MRC2: variants seen among roughly 807,000 people sequenced by gnomAD.
The protein encoded by MRC2 is mannose receptor C-type 2.
MRC2 carries 84 observed loss-of-function variants against 206.2 expected under a neutral mutation model. That is an observed-to-expected ratio of 0.41 (90% confidence interval 0.34 to 0.49). MRC2 has a LOEUF of 0.49. Ranked by LOEUF, MRC2 falls within the 20% of genes least tolerant of loss-of-function variation. The pLI, the probability that MRC2 is intolerant of heterozygous loss-of-function variation, is 0.31. For missense variants in MRC2, 1,676 were observed against 2,001.5 expected (o/e 0.84, Z 3.10); for synonymous variants, 798 against 800.0 (o/e 1.00, Z 0.04).
In MRC2 at chr17:62,671,786, A is replaced by C; in HGVS notation, c.1255A>C (p.Ser419Arg). 1 of 1,611,056 alleles carries C rather than the reference A, an allele frequency of 6.2e-7. No homozygotes were observed. Among genetic ancestry groups the C allele is most frequent in the Non-Finnish European group, 8.5e-7 (1 of 1,178,098 alleles). ...TCTACGGGGCGGTGGCGACCTGGTC[A>C]GCATCCACAGCATGGCGGAGCTGGA... is the stretch of plus-strand genomic sequence containing the variant. ...ACLRGGGDLVSIHSMAELEFI... is the reference protein window; with the variant it reads ...ACLRGGGDLVRIHSMAELEFI... Residue 419 changes from serine (S) to arginine (R), a missense_variant, in exon 7 of 30, where the codon AGC (serine) becomes CGC (arginine). Ser to Arg is a moderately radical substitution (Grantham distance 110). Coordinates refer to ENST00000303375, the MANE Select transcript of MRC2 (RefSeq NM_006039.5). This position sits in a 1 kb window ranked among gnomAD's most constrained non-coding sequence, Gnocchi z 4.5.
intron 1 of MRC2, among the ~76,000 whole-genome samples, chr17:62,642,076 C>G (rs2088412003): frequency 6.6e-6 from 1 of 152,134 alleles, no homozygotes; most frequent in Non-Finnish European, 1.5e-5. Context: ...TTTTTTTTCT[C>G]ATATGCAGTC....
Position 62,680,172 on chromosome 17 carries a change from C to A in MRC2, c.2301C>A (p.Phe767Leu), listed in dbSNP as rs745859697. The A allele has an allele frequency of 1.9e-6, 3 of 1,613,974 alleles. No homozygotes were observed. The highest frequency in any genetic ancestry group is 2.7e-5 in the African/African-American group (2 of 74,920). The change falls in exon 15 of 30, where the codon TTC becomes TTA. Residue 767 changes from phenylalanine to leucine, a missense_variant and splice_region_variant. Transcript: ENST00000303375. This position sits in a 1 kb window ranked among gnomAD's most constrained non-coding sequence, Gnocchi z 4.8. ...TTCCCTCCACCCGCCTCCTCCAGTT[C>A]TCTTACCACAATTTCGACCGGAGCC... is the stretch of plus-strand genomic sequence containing the variant. Reference protein sequence around the residue: ...QSWRWSDGVGFSYHNFDRSRH... With the variant: ...QSWRWSDGVGLSYHNFDRSRH...
chr17:62,663,030 A>C (rs2088699763), intron 1 of MRC2, among the ~76,000 whole-genome samples: 1 of 152,234 alleles, frequency 6.6e-6, no homozygotes, highest in South Asian at 2.1e-4. Context: ...TTCTTTGGAG[A>C]TTGGATGTAC....
Position 62,681,074 on chromosome 17 carries a change from C to A in MRC2, c.2647C>A (p.Gln883Lys). The stretch of plus-strand genomic sequence containing the variant: ...CTGGCTTCTCCAGTTCTCCCGGGCC[C>A]AGGAGCAGCACTGGTGGATCGGCCT... The part of the protein sequence containing the change: ...SHNLQKFSRA[Q>K]EQHWWIGLHT... The change falls in exon 18 of 30, where the codon CAG (glutamine) becomes AAG (lysine). Residue 883 changes from glutamine to lysine, a missense_variant. By Grantham distance (53) the Gln-to-Lys change is moderately conservative. This residue lies in a region of MRC2 where 1,354 missense variants were observed against 1,636.6 expected (regional missense o/e 0.83). Transcript: ENST00000303375. 1 of 1,613,580 alleles carries A rather than the reference C, an allele frequency of 6.2e-7. No homozygotes were observed. The highest frequency in any genetic ancestry group is 1.3e-5 in the African/African-American group (1 of 75,082).
chr17:62,671,845 G>A lies in MRC2; in HGVS notation c.1306+8G>A, dbSNP rs1428403618. 2.5e-6 allele frequency: 4 copies of A among 1,590,238 alleles called. No individual in the cohort carries two copies. Among genetic ancestry groups the A allele is most frequent in the Non-Finnish European group, 3.4e-6 (4 of 1,164,788 alleles). The stretch of plus-strand genomic sequence containing the variant: ...CCAAGCAGATCAAGCAAGGTGAGGA[G>A]CTGCCCGCCCACGTGTCTGGGTGGA... On this transcript the variant is annotated splice_region_variant and intron_variant, in intron 7 of 29. Transcript: ENST00000303375. This position sits in a 1 kb window ranked among gnomAD's most constrained non-coding sequence, Gnocchi z 4.5.
intron 1 of MRC2, among the ~76,000 whole-genome samples, chr17:62,649,974 A>G (rs754196221): frequency 4.6e-4 from 70 of 151,214 alleles, no homozygotes; most frequent in Non-Finnish European, 9.1e-4. Context: ...GGCTCACTGC[A>G]ACCTCCGCCT....
At chr17:62,633,377 C>T (rs762916021) in intron 1 of MRC2, among the ~76,000 whole-genome samples, 10 of 151,804 alleles carry the variant, frequency 6.6e-5, no homozygotes, top group Non-Finnish European at 1.3e-4. Flanking sequence ...TGTGGGGGCG[C>T]CTGTAGTCCC....
At position 62,675,305 on chromosome 17, in the gene MRC2, AGG is replaced by A. The variant is rs1365378503; in HGVS notation, c.1570-483_1570-482del. 2.0e-5 allele frequency among the ~76,000 whole-genome samples: 3 copies of A among 152,136 alleles called. No homozygotes were observed. The highest frequency in any genetic ancestry group is 2.9e-5 in the Non-Finnish European group (2 of 68,014). On this transcript the variant is annotated intron_variant, in intron 9 of 29. Coordinates refer to ENST00000303375, the MANE Select transcript of MRC2 (RefSeq NM_006039.5). This position sits in a 1 kb window ranked among gnomAD's most constrained non-coding sequence, Gnocchi z 4.1. ...TTGGCTCCTGCCAGCCTCGCCTGCCAGGGTCTCGTCTCTGAGCCCCTCCTGCC... is the reference window on the plus strand; with the variant it reads ...TTGGCTCCTGCCAGCCTCGCCTGCCAGTCTCGTCTCTGAGCCCCTCCTGCC...
At position 62,680,316 on chromosome 17, in the gene MRC2, G is replaced by A. The variant is rs2088947249; in HGVS notation, c.2437+8G>A. On this transcript the variant is annotated splice_region_variant and intron_variant, in intron 15 of 29. Transcript: ENST00000303375. This position sits in a 1 kb window ranked among gnomAD's most constrained non-coding sequence, Gnocchi z 4.8. ...TCTGCAAGATCCCCAGAGGTTGGCC[G>A]GAGTGGCGCTGGGGGACGCGGGATG... 1.9e-6 allele frequency: 3 copies of A among 1,613,710 alleles called. No individual in the cohort carries two copies. The highest frequency in any genetic ancestry group is 2.7e-5 in the African/African-American group (2 of 74,904).
In MRC2 at chr17:62,672,786, G is replaced by C. The variant is rs542509696; in HGVS notation, c.1461+634G>C. On this transcript the variant is annotated intron_variant, in intron 8 of 29. Transcript: ENST00000303375. The surrounding 1 kb of genome is among the most constrained non-coding windows in gnomAD (Gnocchi z 4.5). The stretch of plus-strand genomic sequence containing the variant: ...GCAGGCGGATCACTTGAGGTGAGGA[G>C]TTCGAGACCAGCCTGGCCAACATGG... Among the ~76,000 whole-genome samples the C allele has an allele frequency of 5.5e-4, 84 of 152,286 alleles. No homozygotes were observed. Among genetic ancestry groups the C allele is most frequent in the Non-Finnish European group, 9.7e-4 (66 of 68,028 alleles).
intron 1 of MRC2, among the ~76,000 whole-genome samples, chr17:62,655,271 G>C (rs1240080557): frequency 2.0e-5 from 3 of 150,106 alleles, no homozygotes; most frequent in Non-Finnish European, 4.4e-5. Context: ...GGGCAACAGA[G>C]CAGACTCCGT....
intron 1 of MRC2, among the ~76,000 whole-genome samples, chr17:62,647,422 T>C (rs1388382242): frequency 6.6e-6 from 1 of 151,994 alleles, no homozygotes; most frequent in African/African-American, 2.4e-5. Context: ...TGACCTCAGG[T>C]GATCCACCCG....
At chr17:62,653,190 G>T (rs926306054) in intron 1 of MRC2, among the ~76,000 whole-genome samples, 1 of 152,200 alleles carries the variant, frequency 6.6e-6, no homozygotes, top group Non-Finnish European at 1.5e-5. Context: ...CCGGCAAGGG[G>T]GGCCTGGGGG....
chr17:62,663,414 A>C (rs1418698486), intron 1 of MRC2, among the ~76,000 whole-genome samples: 1 of 152,188 alleles, frequency 6.6e-6, no homozygotes, highest in East Asian at 1.9e-4. Flanking sequence ...TGCAACTATC[A>C]TGACAATCTA....
chr17:62,631,471 C>A (rs560124722), intron 1 of MRC2, among the ~76,000 whole-genome samples: 2 of 152,240 alleles, frequency 1.3e-5, no homozygotes, highest in South Asian at 4.1e-4. Flanking sequence ...CCTGAACGCT[C>A]CAGTACCATA....
intron 20 of MRC2, chr17:62,684,150 TG>T (rs1266195386): frequency 6.6e-6 from 1 of 152,252 alleles, no homozygotes; most frequent in Non-Finnish European, 1.5e-5. Context: ...AGGTCTAACG[TG>T]TTGAAAATCA....
At position 62,666,751 on chromosome 17, in the gene MRC2, T is replaced by C; in HGVS notation, c.860-6T>C. On this transcript the variant is annotated splice_polypyrimidine_tract_variant and splice_region_variant and intron_variant, in intron 4 of 29. Coordinates refer to ENST00000303375, the MANE Select transcript of MRC2 (RefSeq NM_006039.5). This position sits in a 1 kb window ranked among gnomAD's most constrained non-coding sequence, Gnocchi z 5.0. ...TCCCCTGTTCAGTGTCCCTCCTTGC[T>C]GTCAGGCCTCCTCACTGGGTACAGC... 1.2e-6 allele frequency: 2 copies of C among 1,613,112 alleles called. No individual in the cohort carries two copies. Among genetic ancestry groups the C allele is most frequent in the Non-Finnish European group, 1.7e-6 (2 of 1,179,492 alleles).
rs2109080 is a variant in MRC2, at chr17:62,680,622, G to C, written c.2473+169G>C. 0.54 allele frequency: 688,368 copies of C among 1,264,142 alleles called. 191,166 individuals are homozygous for C. The highest frequency in any genetic ancestry group is 0.81 in the East Asian group (31,895 of 39,602). The allele number at this position is 1,264,142 out of a possible 1,614,324, so 78.3% of individuals were successfully genotyped here. On this transcript the variant is annotated intron_variant, in intron 16 of 29. Transcript: ENST00000303375. The surrounding 1 kb of genome is among the most constrained non-coding windows in gnomAD (Gnocchi z 4.8). The stretch of plus-strand genomic sequence containing the variant: ...CAGCCACAGCCCTGTTTGCTTCCGT[G>C]TGGGAGGCGAGGCAAGCCTGGGGCC...
At chr17:62,658,377 C>T (rs367825818) in intron 1 of MRC2, among the ~76,000 whole-genome samples, 2 of 152,134 alleles carry the variant, frequency 1.3e-5, no homozygotes, top group Admixed American at 6.6e-5. Context: ...GAACCCAGAG[C>T]CTAGGATGTC....
Sources: gnomAD v4.1 joint callset for allele counts (sites outside exome capture counted in the v4.1 genomes callset) on GRCh38, gnomAD v4.1.1 for gene constraint, gnomAD v4.1.1 regional missense constraint, Gnocchi (gnomAD v3.1) non-coding constraint, MANE v1.5 for transcripts, NCBI Gene and HGNC (gene_info 2026-07-23, HGNC 2026-07-21) for gene names.